Variants in RFTN1 observed in about 807,000 individuals in gnomAD.
The protein encoded by RFTN1 is raftlin.
A neutral mutation model predicts 46.5 loss-of-function variants in RFTN1; 26 were observed. That is an observed-to-expected ratio of 0.56 (90% confidence interval 0.41 to 0.78). The LOEUF (loss-of-function observed/expected upper bound fraction) is 0.78, where lower values mean the gene tolerates loss of function less well. Among genes scored for constraint, RFTN1 ranks in the 30% least tolerant of loss-of-function variants. The probability of loss-of-function intolerance (pLI) is 0.00; values close to 1 mark genes in which losing one functional copy is unlikely to be tolerated. For missense variants in RFTN1, 693 were observed against 718.7 expected, an observed-to-expected ratio of 0.96 and a Z score of 0.41; for synonymous variants, 261 against 284.2, an observed-to-expected ratio of 0.92 and a Z score of 0.82.
intron 3 of RFTN1, among the ~76,000 whole-genome samples, chr3:16,416,938 T>C (rs765931388): frequency 7.9e-5 from 12 of 152,112 alleles, no homozygotes; most frequent in Non-Finnish European, 1.3e-4. Flanking sequence ...TACAATTCAG[T>C]GGCGTTAAGT....
intron 2 of RFTN1, among the ~76,000 whole-genome samples, chr3:16,434,358 T>A (rs1019913164): frequency 3.0e-5 from 4 of 134,820 alleles, no homozygotes. Flanking sequence ...ACTCGGTCTC[T>A]CTTAAACAAA....
rs892453577 is a variant in RFTN1 at position 16,450,232 on chromosome 3, C to A, written c.146-16195G>T. Reference sequence around the variant, plus strand: ...TAACTGCCAGAACAAGGGCTCATATCTTAAATTCTCCTCCCACCTCAGGCC... The same window carrying A: ...TAACTGCCAGAACAAGGGCTCATATATTAAATTCTCCTCCCACCTCAGGCC... On this transcript the variant is annotated intron_variant, in intron 2 of 9. Coordinates refer to ENST00000334133, the MANE Select transcript of RFTN1 (RefSeq NM_015150.2). This position sits in a 1 kb window ranked among gnomAD's most constrained non-coding sequence, Gnocchi z 4.6. Among the ~76,000 whole-genome samples, 1 of 152,232 alleles carries A rather than the reference C, an allele frequency of 6.6e-6. No individual in the cohort carries two copies. The highest frequency in any genetic ancestry group is 2.4e-5 in the African/African-American group (1 of 41,466).
At chr3:16,505,189 T>C (rs906633328) in intron 1 of RFTN1, among the ~76,000 whole-genome samples, 1 of 152,256 alleles carries the variant, frequency 6.6e-6, no homozygotes, top group African/African-American at 2.4e-5. Context: ...TCACATCTGC[T>C]GTGCAGCTTG....
At chr3:16,371,886 G>A (rs1252948036) in intron 5 of RFTN1, among the ~76,000 whole-genome samples, 2 of 152,186 alleles carry the variant, frequency 1.3e-5, no homozygotes, top group Non-Finnish European at 2.9e-5. Flanking sequence ...TAGTTTGTGA[G>A]TTCACAATAC....
In RFTN1 at chr3:16,361,842, T is replaced by A. The variant is rs1373747139; in HGVS notation, c.1031-3795A>T. On this transcript the variant is annotated intron_variant, in intron 6 of 9. Transcript: ENST00000334133. The surrounding 1 kb of genome is among the most constrained non-coding windows in gnomAD (Gnocchi z 4.3). ...ATTACATTGAGAGGGCATGCCCCAGTTAGCCAGTTGGTTCTAGGGAGATGA... is the reference window on the plus strand; with the variant it reads ...ATTACATTGAGAGGGCATGCCCCAGATAGCCAGTTGGTTCTAGGGAGATGA... Among the ~76,000 whole-genome samples, 7 of 152,230 alleles carry A rather than the reference T, an allele frequency of 4.6e-5. No individual in the cohort carries two copies. Among genetic ancestry groups the A allele is most frequent in the Admixed American group, 3.3e-4 (5 of 15,286 alleles).
In RFTN1 at chr3:16,478,229, ACT is replaced by A. The variant is rs995713289; in HGVS notation, c.145+15494_145+15495del. Among the ~76,000 whole-genome samples, 22 of 152,160 alleles carry A rather than the reference ACT, an allele frequency of 1.4e-4. No individual in the cohort carries two copies. In the East Asian group the frequency reaches 2.5e-3, roughly 17 times the overall value. On this transcript the variant is annotated intron_variant, in intron 2 of 9. Coordinates refer to ENST00000334133, the MANE Select transcript of RFTN1 (RefSeq NM_015150.2). The stretch of plus-strand genomic sequence containing the variant: ...ACTATTAATGTGACCCCTTTGTTAT[ACT>A]CACTGTGACACAGACTGTGGGCTGT...
Position 16,479,333 on chromosome 3 carries a change from C to T in RFTN1, c.145+14392G>A, listed in dbSNP as rs996648381. Among the ~76,000 whole-genome samples the T allele has an allele frequency of 7.2e-5, 11 of 152,196 alleles. No individual in the cohort carries two copies. The highest frequency in any genetic ancestry group is 2.7e-4 in the African/African-American group (11 of 41,424). On this transcript the variant is annotated intron_variant, in intron 2 of 9. Transcript: ENST00000334133. This position sits in a 1 kb window ranked among gnomAD's most constrained non-coding sequence, Gnocchi z 5.1. Reference sequence around the variant, plus strand: ...GGTTTTTAGTTGTTTTAGGCTAATTCATTAAATGAAGTCCACAATAAGAAA... The same window carrying T: ...GGTTTTTAGTTGTTTTAGGCTAATTTATTAAATGAAGTCCACAATAAGAAA...
rs145631302 is a variant in RFTN1, at chr3:16,353,602, G to A, written c.1146+4330C>T. ...AATGTTTTCTATCCTCCCACAATGCGTATGTTGAGGCTCCAAGCCCTAGTT... is the reference window on the plus strand; with the variant it reads ...AATGTTTTCTATCCTCCCACAATGCATATGTTGAGGCTCCAAGCCCTAGTT... On this transcript the variant is annotated intron_variant, in intron 7 of 9. Transcript: ENST00000334133. The surrounding 1 kb of genome is among the most constrained non-coding windows in gnomAD (Gnocchi z 5.4). 7.2e-5 allele frequency among the ~76,000 whole-genome samples: 11 copies of A among 152,298 alleles called. No individual in the cohort carries two copies. Among genetic ancestry groups the A allele is most frequent in the Non-Finnish European group, 1.5e-4 (10 of 68,024 alleles).
intron 8 of RFTN1, among the ~76,000 whole-genome samples, chr3:16,324,849 T>C (rs1049891695): frequency 2.0e-5 from 3 of 152,120 alleles, no homozygotes; most frequent in African/African-American, 7.2e-5. Context: ...TAGAAGTGGG[T>C]TTGCTGGATC....
intron 6 of RFTN1, among the ~76,000 whole-genome samples, chr3:16,368,049 T>C (rs796652101): frequency 2.1e-5 from 3 of 142,658 alleles, no homozygotes; most frequent in East Asian, 4.3e-4. Flanking sequence ...TGGCCACAGA[T>C]AGCATCTATG....
chr3:16,493,859 C>G lies in RFTN1; in HGVS notation c.11G>C (p.Gly4Ala). ...ATCACGTTTCTCTAACTTGTTCAATCCGCAACCCATTTCAGCAGCTGCTGG... is the reference window on the plus strand; with the variant it reads ...ATCACGTTTCTCTAACTTGTTCAATGCGCAACCCATTTCAGCAGCTGCTGG... MGC[G>A]LNKLEKRDEK... The change falls in exon 2 of 10, where the codon GGA becomes GCA. Residue 4 changes from glycine to alanine, a missense_variant. Gly to Ala is a moderately conservative substitution (Grantham distance 60). Coordinates refer to ENST00000334133, the MANE Select transcript of RFTN1 (RefSeq NM_015150.2). 6.2e-7 allele frequency: 1 copy of G among 1,614,148 alleles called. No individual in the cohort carries two copies. The highest frequency in any genetic ancestry group is 8.5e-7 in the Non-Finnish European group (1 of 1,180,028).
rs890806600 is a variant in RFTN1, at chr3:16,459,973, C to T, written c.146-25936G>A. Among the ~76,000 whole-genome samples, 7 of 152,034 alleles carry T rather than the reference C, an allele frequency of 4.6e-5. No individual in the cohort carries two copies. Among genetic ancestry groups the T allele is most frequent in the Non-Finnish European group, 8.8e-5 (6 of 68,002 alleles). ...TCTTCTCAGATAACTGAAGCCAAGA[C>T]ATTTTTGAGAACATGAATTTTCCAT... On this transcript the variant is annotated intron_variant, in intron 2 of 9. Coordinates refer to ENST00000334133, the MANE Select transcript of RFTN1 (RefSeq NM_015150.2). The surrounding 1 kb of genome is among the most constrained non-coding windows in gnomAD (Gnocchi z 4.2).
chr3:16,434,901 C>T (rs2075472497), intron 2 of RFTN1: 1 of 152,148 alleles, frequency 6.6e-6, no homozygotes, highest in Non-Finnish European at 1.5e-5. Flanking sequence ...GTGTAAAAGG[C>T]TAACCAATAT....
intron 4 of RFTN1, 148 bp downstream of exon 4, chr3:16,409,227 G>A (rs2074931164): frequency 3.6e-6 from 2 of 560,610 alleles, no homozygotes; most frequent in Non-Finnish European, 6.5e-6. Context: ...GGAGGGGGCT[G>A]CTTCCCTGTG....
chr3:16,395,447 A>ATT (rs34892913), intron 4 of RFTN1, among the ~76,000 whole-genome samples: 6 of 148,768 alleles, frequency 4.0e-5, no homozygotes, highest in Admixed American at 1.3e-4. Context: ...AAGGAGCTGA[A>ATT]TTTTTTTTTT....
chr3:16,487,037 T>G (rs910444523), intron 2 of RFTN1, among the ~76,000 whole-genome samples: 2 of 152,190 alleles, frequency 1.3e-5, no homozygotes, highest in Admixed American at 6.5e-5. Flanking sequence ...GGCTGTTGTC[T>G]GCAAGCCAAG....
At chr3:16,412,925 G>A (rs1370308445) in intron 3 of RFTN1, among the ~76,000 whole-genome samples, 1 of 152,238 alleles carries the variant, frequency 6.6e-6, no homozygotes, top group Non-Finnish European at 1.5e-5. Context: ...GGCTGGAAGT[G>A]GGGCTTTCCT....
At position 16,317,311 on chromosome 3, in the gene RFTN1, T is replaced by C; in HGVS notation, c.1333-79A>G. On this transcript the variant is annotated intron_variant, in intron 9 of 9. Transcript: ENST00000334133. This position sits in a 1 kb window ranked among gnomAD's most constrained non-coding sequence, Gnocchi z 4.3. ...TCACCCAAAGCCTTGTTTGCATTCATACCCACACCATGTCTGAGTGAGACA... is the reference window on the plus strand; with the variant it reads ...TCACCCAAAGCCTTGTTTGCATTCACACCCACACCATGTCTGAGTGAGACA... 1 of 1,434,010 alleles carries C rather than the reference T, an allele frequency of 7.0e-7. No individual in the cohort carries two copies. Among genetic ancestry groups the C allele is most frequent in the Non-Finnish European group, 9.6e-7 (1 of 1,043,092 alleles). The allele number at this position is 1,434,010 out of a possible 1,614,324, so 88.8% of individuals were successfully genotyped here.
rs2075597497 is a variant in RFTN1, at chr3:16,440,325, C to A, written c.146-6288G>T. ...ACTCAAGTGATCCTCCTGCCTCAGC[C>A]CCCTGAGTAGCTGGGACTACAGGTG... On this transcript the variant is annotated intron_variant, in intron 2 of 9. Transcript: ENST00000334133. The surrounding 1 kb of genome is among the most constrained non-coding windows in gnomAD (Gnocchi z 4.6). Among the ~76,000 whole-genome samples the A allele has an allele frequency of 6.6e-6, 1 of 152,204 alleles. No homozygotes were observed. The highest frequency in any genetic ancestry group is 6.5e-5 in the Admixed American group (1 of 15,286).
Sources: allele counts gnomAD v4.1 joint callset (sites outside exome capture counted in the v4.1 genomes callset), GRCh38; gene constraint gnomAD v4.1.1; non-coding constraint Gnocchi (gnomAD v3.1); transcripts MANE v1.5; gene names NCBI Gene and HGNC (gene_info 2026-07-23, HGNC 2026-07-21).